Variants in PRPF3 observed in about 807,000 individuals in gnomAD.
PRPF3 encodes the protein pre-mRNA processing factor 3, also known as U4/U6 small nuclear ribonucleoprotein Prp3.
In PRPF3, 3 loss-of-function variants were observed where a neutral mutation model predicts 89.2. That is an observed-to-expected ratio of 0.03 (90% confidence interval 0.02 to 0.09). The LOEUF (loss-of-function observed/expected upper bound fraction) is 0.09, where lower values mean the gene tolerates loss of function less well. Ranked by LOEUF, PRPF3 falls within the 10% of genes least tolerant of loss-of-function variation. The probability of loss-of-function intolerance (pLI) is 1.00; values close to 1 mark genes in which losing one functional copy is unlikely to be tolerated. For synonymous variants in PRPF3, 270 were observed against 289.1 expected (o/e 0.93, Z 0.67); for missense variants, 463 against 828.8 (o/e 0.56, Z 5.42).
chr1:150,323,219 C>T (rs1450143805), intron 1 of PRPF3, among the ~76,000 whole-genome samples: 3 of 114,730 alleles, frequency 2.6e-5, no homozygotes, highest in East Asian at 6.3e-4. Context: ...TTCACTCTGT[C>T]GCTCAGGCTG....
At chr1:150,329,144 C>T (rs587771594) in intron 4 of PRPF3, among the ~76,000 whole-genome samples, 5 of 151,914 alleles carry the variant, frequency 3.3e-5, no homozygotes, top group Non-Finnish European at 7.4e-5. Flanking sequence ...ATTCTCCTGC[C>T]TAAGCCTCCG....
chr1:150,323,005 G>A (rs782376349), intron 1 of PRPF3, among the ~76,000 whole-genome samples: 1 of 151,608 alleles, frequency 6.6e-6, no homozygotes, highest in Non-Finnish European at 1.5e-5. Flanking sequence ...CTCCAGAGTA[G>A]CTGGGATTAC....
intron 3 of PRPF3, among the ~76,000 whole-genome samples, chr1:150,327,277 AG>A (rs1303942155): frequency 2.6e-5 from 4 of 152,110 alleles, no homozygotes; most frequent in African/African-American, 9.6e-5. Flanking sequence ...CATGTTGATC[AG>A]GTTGGTCTCG....
chr1:150,328,811 T>A (rs1319880575), intron 4 of PRPF3, among the ~76,000 whole-genome samples: 2 of 151,682 alleles, frequency 1.3e-5, no homozygotes, highest in Non-Finnish European at 2.9e-5. Flanking sequence ...CCTTGGCCTC[T>A]CAGAGTGCTA....
At chr1:150,331,467 C>T (rs914984948) in intron 4 of PRPF3, among the ~76,000 whole-genome samples, 13 of 152,104 alleles carry the variant, frequency 8.5e-5, no homozygotes, top group African/African-American at 2.4e-4. Context: ...TGGATTCAAG[C>T]GCTTCTCCTG....
At chr1:150,346,536 TG>T (rs1553873004) in intron 14 of PRPF3, 45 bp downstream of exon 14, 1 of 1,525,780 alleles carries the variant, frequency 6.6e-7, no homozygotes, top group Admixed American at 1.7e-5. Flanking sequence ...CTATGGGAGG[TG>T]GGGATGGTGC....
chr1:150,347,043 G>A (rs1658337615), intron 14 of PRPF3, among the ~76,000 whole-genome samples: 1 of 152,078 alleles, frequency 6.6e-6, no homozygotes, highest in African/African-American at 2.4e-5. Flanking sequence ...AGTAAGCTGT[G>A]ATCGTGCCAC....
intron 4 of PRPF3, among the ~76,000 whole-genome samples, chr1:150,329,593 A>AT (rs1396629334): frequency 2.0e-5 from 3 of 151,482 alleles, no homozygotes; most frequent in African/African-American, 7.3e-5. Context: ...AGTTGACTTT[A>AT]TTTTTTTTTA....
chr1:150,352,357 G>A (rs1453648420), intron 15 of PRPF3, among the ~76,000 whole-genome samples: 10 of 152,256 alleles, frequency 6.6e-5, no homozygotes, highest in African/African-American at 2.2e-4. Context: ...ATATGAATTC[G>A]TAAAATCTCA....
chr1:150,339,094 G>A (rs1464734687), intron 8 of PRPF3, among the ~76,000 whole-genome samples: 1 of 151,780 alleles, frequency 6.6e-6, no homozygotes, highest in African/African-American at 2.4e-5. Context: ...GGCTGGGCTC[G>A]GTGGCTGACA....
At chr1:150,346,771 A>C (rs139176676) in intron 14 of PRPF3, among the ~76,000 whole-genome samples, 8 of 152,278 alleles carry the variant, frequency 5.3e-5, no homozygotes, top group African/African-American at 1.9e-4. Flanking sequence ...TACCGGTTAC[A>C]TGAATTTATT....
chr1:150,351,435 G>A (rs927599163), intron 15 of PRPF3, among the ~76,000 whole-genome samples: 3 of 151,950 alleles, frequency 2.0e-5, no homozygotes, highest in African/African-American at 7.2e-5. Context: ...CAAATTAGAT[G>A]ATAATAACCA....
chr1:150,342,574 G>A (rs587715984), intron 9 of PRPF3, among the ~76,000 whole-genome samples: 14 of 151,934 alleles, frequency 9.2e-5, no homozygotes, highest in African/African-American at 3.4e-4. Context: ...AGAGTGCAGT[G>A]GCAAGTGGCA....
At chr1:150,341,789 A>AC (rs1212780303) in intron 9 of PRPF3, among the ~76,000 whole-genome samples, 10 of 144,484 alleles carry the variant, frequency 6.9e-5, no homozygotes, top group East Asian at 6.2e-4. Context: ...TGCAACTTTC[A>AC]CCCCCCTGGG....
Position 150,344,655 on chromosome 1 carries a change from ACT to A in PRPF3, c.1640+113_1640+114del, listed in dbSNP as rs142109726. Reference sequence around the variant, plus strand: ...AAAAGCATACCTAACACCAGTTCCTACTCTCTTTTAATGACCCTAGTGTGGAT... The same window carrying A: ...AAAAGCATACCTAACACCAGTTCCTACTCTTTTAATGACCCTAGTGTGGAT... On this transcript the variant is annotated intron_variant, in intron 12 of 15. Coordinates refer to ENST00000324862, the MANE Select transcript of PRPF3 (RefSeq NM_004698.4). The A allele has an allele frequency of 1.9e-3, 2,283 of 1,193,606 alleles. 29 individuals carry two copies. The African/African-American group carries it at 0.03, about 16-fold the overall frequency. 73.9% of individuals were successfully genotyped at this position (1,193,606 alleles called of 1,614,324 possible).
chr1:150,344,451 A>G lies in PRPF3; in HGVS notation c.1544A>G (p.Asn515Ser). Residue 515 changes from asparagine (N) to serine (S), a missense_variant, in exon 12 of 16, where the codon AAC becomes AGC. Transcript: ENST00000324862. ...CACGACAGAGCGCATGAAGAGGCCA[A>G]CGCTGCCCGAAAACTCACAGCAGAA... is the stretch of plus-strand genomic sequence containing the variant. ...AKRQKAHEEA[N>S]AARKLTAEQR... 1 of 1,614,204 alleles carries G rather than the reference A, an allele frequency of 6.2e-7. No homozygotes were observed. Among genetic ancestry groups the G allele is most frequent in the Non-Finnish European group, 8.5e-7 (1 of 1,180,028 alleles).
At chr1:150,339,073 A>AG (rs1657376258) in intron 8 of PRPF3, among the ~76,000 whole-genome samples, 1 of 152,038 alleles carries the variant, frequency 6.6e-6, no homozygotes. Flanking sequence ...AATAGTAAAT[A>AG]TAGCATATAA....
intron 10 of PRPF3, 145 bp downstream of exon 10, chr1:150,343,597 T>A (rs1658004231): frequency 8.8e-7 from 1 of 1,141,750 alleles, no homozygotes; most frequent in Admixed American, 2.1e-5. Context: ...TTTTCTACCA[T>A]CTTTTCATAT....
chr1:150,343,525 C>A, intron 10 of PRPF3, 73 bp downstream of exon 10: 1 of 1,559,422 alleles, frequency 6.4e-7, no homozygotes, highest in Non-Finnish European at 8.8e-7. Context: ...GGAACTTTAA[C>A]ATCTCTGTGT....
Sources: gnomAD v4.1 joint callset for allele counts (sites outside exome capture counted in the v4.1 genomes callset) on GRCh38, gnomAD v4.1.1 for gene constraint, MANE v1.5 for transcripts, NCBI Gene and HGNC (gene_info 2026-07-23, HGNC 2026-07-21) for gene names.